The following COL11A1 variants were observed in gnomAD, a reference collection of about 807,000 sequenced individuals.
COL11A1 encodes collagen type XI alpha 1 chain.
Under a neutral mutation model 265.2 loss-of-function variants are expected in COL11A1, and 74 were observed. The ratio of observed to expected loss-of-function variants is 0.28; its 90% CI spans 0.23 to 0.34. The LOEUF (loss-of-function observed/expected upper bound fraction) is 0.34. Ranked by LOEUF, COL11A1 falls within the 10% of genes least tolerant of loss-of-function variation. The pLI, the probability that COL11A1 is intolerant of heterozygous loss-of-function variation, is 1.00. For synonymous variants in COL11A1, 816 were observed against 727.6 expected (o/e 1.12, Z -1.96); for missense variants, 2,165 against 2,263.6 (o/e 0.96, Z 0.88).
At chr1:103,101,757 G>A (rs1347606204) in intron 1 of COL11A1, among the ~76,000 whole-genome samples, 1 of 151,776 alleles carries the variant, frequency 6.6e-6, no homozygotes, top group Non-Finnish European at 1.5e-5. Context: ...AAAAAAAGAA[G>A]ATTTGAGGGG....
intron 1 of COL11A1, among the ~76,000 whole-genome samples, chr1:103,085,144 G>T (rs1672749475): frequency 6.6e-6 from 1 of 152,190 alleles, no homozygotes; most frequent in African/African-American, 2.4e-5. Context: ...CAAATATGAT[G>T]AGCTCTGAGT....
intron 1 of COL11A1, among the ~76,000 whole-genome samples, chr1:103,085,519 G>A (rs1448518971): frequency 8.9e-6 from 1 of 112,626 alleles, no homozygotes; most frequent in Admixed American, 1.1e-4. Flanking sequence ...GGCCCTGACT[G>A]GGAACGGACT....
In COL11A1 at chr1:102,989,519, C is replaced by G. The variant is rs1337183045; in HGVS notation, c.2393G>C (p.Arg798Thr). The change falls in exon 29 of 67, where the codon AGA becomes ACA. Residue 798 changes from arginine (R) to threonine (T), a missense_variant and splice_region_variant. Coordinates refer to ENST00000370096, the MANE Select transcript of COL11A1 (RefSeq NM_001854.4). ...GGTGTACATTTTCTCTATACTTACTCTGTCACCTTTTAGACCCATGTCACC... is the reference window on the plus strand; with the variant it reads ...GGTGTACATTTTCTCTATACTTACTGTGTCACCTTTTAGACCCATGTCACC... ...FKGDMGLKGD[R>T]GEVGQIGPRG... 1 of 1,606,670 alleles carries G rather than the reference C, an allele frequency of 6.2e-7. No individual in the cohort carries two copies. Among genetic ancestry groups the G allele is most frequent in the African/African-American group, 1.3e-5 (1 of 74,674 alleles).
Position 103,082,944 on chromosome 1 carries a change from T to C in COL11A1, c.135A>G (p.Leu45=), listed in dbSNP as rs1672531853. The change falls in exon 2 of 67, where the codon CTA becomes CTG. Residue 45 remains leucine, a synonymous_variant. Coordinates refer to ENST00000370096, the MANE Select transcript of COL11A1 (RefSeq NM_001854.4). The part of the protein sequence containing the change: ...GAAPVDVLKA[L]DFHNSPEGIS... ...TTCCCTCTGGAGAATTGTGAAAATC[T>C]AGTGCTTTTAGTACATCAACTGGAG... is the stretch of plus-strand genomic sequence containing the variant. 2 of 1,613,062 alleles carry C rather than the reference T, an allele frequency of 1.2e-6. No individual in the cohort carries two copies. Among genetic ancestry groups the C allele is most frequent in the African/African-American group, 2.7e-5 (2 of 74,968 alleles).
At chr1:102,963,254 A>C (rs1661090894) in intron 38 of COL11A1, among the ~76,000 whole-genome samples, 1 of 152,094 alleles carries the variant, frequency 6.6e-6, no homozygotes, top group Non-Finnish European at 1.5e-5. Flanking sequence ...TGGACTGAAA[A>C]TTTCTCTACT....
Position 102,915,538 on chromosome 1 carries a change from G to A in COL11A1, c.3816+93C>T, listed in dbSNP as rs763467319. The A allele has an allele frequency of 1.3e-4, 146 of 1,095,456 alleles. 2 individuals carry two copies. In the Admixed American group the frequency reaches 2.2e-3, roughly 16 times the overall value. The allele number at this position is 1,095,456 out of a possible 1,614,324, so 67.9% of individuals were successfully genotyped here. Reference sequence around the variant, plus strand: ...GAGTTGGGAAGGGAAAGTAAAATTCGAACCACAGCTAAGAGTTGTTACATG... The same window carrying A: ...GAGTTGGGAAGGGAAAGTAAAATTCAAACCACAGCTAAGAGTTGTTACATG... On this transcript the variant is annotated intron_variant, in intron 50 of 66. Transcript: ENST00000370096.
intron 7 of COL11A1, among the ~76,000 whole-genome samples, chr1:103,023,322 C>G (rs1667250535): frequency 6.6e-6 from 1 of 150,572 alleles, no homozygotes; most frequent in Admixed American, 6.6e-5. Context: ...AAGATTTGAA[C>G]AATAAAAAAG....
At chr1:102,900,856 C>A (rs529170223) in intron 54 of COL11A1, among the ~76,000 whole-genome samples, 1 of 152,194 alleles carries the variant, frequency 6.6e-6, no homozygotes, top group African/African-American at 2.4e-5. Context: ...TTCTTTTTCT[C>A]ATTTTTCCCA....
intron 54 of COL11A1, among the ~76,000 whole-genome samples, chr1:102,901,137 C>T (rs1007083474): frequency 6.6e-6 from 1 of 151,862 alleles, no homozygotes; most frequent in Non-Finnish European, 1.5e-5. Context: ...TGGGCCAACA[C>T]AGTGAAACCC....
At chr1:103,042,004 G>C (rs1462341515) in intron 4 of COL11A1, among the ~76,000 whole-genome samples, 2 of 151,946 alleles carry the variant, frequency 1.3e-5, no homozygotes, top group African/African-American at 4.8e-5. Flanking sequence ...ATTATAACAA[G>C]TTAATAGGCT....
intron 46 of COL11A1, among the ~76,000 whole-genome samples, chr1:102,929,893 G>T (rs1489706501): frequency 4.6e-5 from 7 of 152,108 alleles, no homozygotes; most frequent in Non-Finnish European, 1.0e-4. Flanking sequence ...CTCTCTGTTT[G>T]TCTGTTGTTG....
chr1:102,964,587 G>GTGTGT (rs1553219267), intron 38 of COL11A1, among the ~76,000 whole-genome samples: 2 of 149,422 alleles, frequency 1.3e-5, no homozygotes, highest in Non-Finnish European at 3.0e-5. Flanking sequence ...TTTCTCTAGG[G>GTGTGT]GTGTGTGTGT....
At chr1:102,949,798 T>A (rs1285153439) in intron 41 of COL11A1, among the ~76,000 whole-genome samples, 1 of 152,162 alleles carries the variant, frequency 6.6e-6, no homozygotes, top group African/African-American at 2.4e-5. Flanking sequence ...ATGGGTACAA[T>A]GAATTGTGCT....
At chr1:102,906,642 C>T (rs1352201159) in intron 54 of COL11A1, among the ~76,000 whole-genome samples, 1 of 152,114 alleles carries the variant, frequency 6.6e-6, no homozygotes, top group East Asian at 1.9e-4. Context: ...TTAAGCAATA[C>T]TCCTGCCTAA....
intron 44 of COL11A1, among the ~76,000 whole-genome samples, chr1:102,936,322 T>C (rs997449122): frequency 3.3e-5 from 5 of 151,678 alleles, no homozygotes; most frequent in Non-Finnish European, 5.9e-5. Flanking sequence ...AACTTTTACA[T>C]GGAACGCTAT....
At chr1:102,979,989 AAGT>A (rs1386501530) in intron 31 of COL11A1, among the ~76,000 whole-genome samples, 18 of 152,228 alleles carry the variant, frequency 1.2e-4, no homozygotes, top group African/African-American at 4.1e-4. Context: ...ATCTAGCTGA[AAGT>A]CTATTTCAGG....
At chr1:102,985,377 A>T (rs1172173164) in intron 30 of COL11A1, among the ~76,000 whole-genome samples, 1 of 152,136 alleles carries the variant, frequency 6.6e-6, no homozygotes, top group East Asian at 1.9e-4. Flanking sequence ...CCAAGTCATG[A>T]TCAGCATTAC....
At chr1:103,106,577 AC>A (rs1299732888) in intron 1 of COL11A1, among the ~76,000 whole-genome samples, 1 of 152,192 alleles carries the variant, frequency 6.6e-6, no homozygotes, top group Admixed American at 6.5e-5. Flanking sequence ...TAAAATACAA[AC>A]TTTTTGATGG....
chr1:102,928,830 T>C (rs1656980997), intron 46 of COL11A1, among the ~76,000 whole-genome samples: 1 of 139,750 alleles, frequency 7.2e-6, no homozygotes, highest in African/African-American at 2.6e-5. Context: ...TTGATTTGCA[T>C]TTCTCTGATG....
Sources: allele counts gnomAD v4.1 joint callset (sites outside exome capture counted in the v4.1 genomes callset), GRCh38; gene constraint gnomAD v4.1.1; transcripts MANE v1.5; gene names NCBI Gene and HGNC (gene_info 2026-07-23, HGNC 2026-07-21).